GRTP1: variants seen among roughly 807,000 people sequenced by gnomAD.
The protein encoded by GRTP1 is growth hormone regulated TBC protein 1, also known as growth hormone-regulated TBC protein 1.
In GRTP1, 56 loss-of-function variants were observed where a neutral mutation model predicts 38.1. That is an observed-to-expected ratio of 1.47 (90% CI 1.19 to 1.84). The LOEUF is 1.84. Ranked by LOEUF, GRTP1 falls within the 40% of genes most tolerant of loss-of-function variation. GRTP1 has a pLI of 0.00. For synonymous variants in GRTP1, 217 were observed against 189.5 expected, an observed-to-expected ratio of 1.14 and a Z score of -1.19; for missense variants, 506 against 453.9, an observed-to-expected ratio of 1.11 and a Z score of -1.04.
intron 5 of GRTP1, among the ~76,000 whole-genome samples, chr13:113,340,883 C>T (rs958579205): frequency 2.0e-5 from 3 of 152,160 alleles, no homozygotes; most frequent in East Asian, 3.9e-4. Context: ...TGTCCATGCA[C>T]ACACCCATCA....
intron 7 of GRTP1, chr13:113,325,326 G>C (rs1033866085): frequency 1.4e-6 from 2 of 1,395,252 alleles, no homozygotes; most frequent in Non-Finnish European, 1.9e-6. Flanking sequence ...CAGGACCTGA[G>C]TCTATACGGC....
intron 7 of GRTP1, 91 bp from the exon 8 acceptor site, chr13:113,324,668 TGTGAG>T (rs1174253312): frequency 8.6e-6 from 13 of 1,510,520 alleles, no homozygotes; most frequent in Middle Eastern, 3.4e-4. Context: ...ACAGGCCTCG[TGTGAG>T]GTGAGGGAGG....
chr13:113,329,590 T>TA (rs1219133485), intron 5 of GRTP1, among the ~76,000 whole-genome samples: 1 of 151,622 alleles, frequency 6.6e-6, no homozygotes, highest in African/African-American at 2.4e-5. Flanking sequence ...TCTCAAAAAA[T>TA]AAAAAATAAA....
intron 3 of GRTP1, among the ~76,000 whole-genome samples, chr13:113,353,132 C>A (rs2043316480): frequency 6.9e-6 from 1 of 144,376 alleles, no homozygotes; most frequent in Admixed American, 6.8e-5. Flanking sequence ...GGGTAGGAAC[C>A]CACAGCTGAA....
At chr13:113,347,461 T>TCTGTGCCTGACAGTGGACCCGGGAGGAC (rs2043172438) in intron 4 of GRTP1, among the ~76,000 whole-genome samples, 1 of 44,404 alleles carries the variant, frequency 2.3e-5, no homozygotes, top group African/African-American at 1.8e-4. Flanking sequence ...CCCAGGAGGA[T>TCTGTGCCTGACAGTGGACCCGGGAGGAC]CTCTGTGGCC....
At chr13:113,344,148 T>C (rs949347208) in intron 5 of GRTP1, among the ~76,000 whole-genome samples, 1 of 152,210 alleles carries the variant, frequency 6.6e-6, no homozygotes, top group East Asian at 1.9e-4. Flanking sequence ...TTACTAGTAT[T>C]CACAAACTCA....
intron 5 of GRTP1, among the ~76,000 whole-genome samples, chr13:113,336,864 G>A (rs943860087): frequency 6.6e-5 from 10 of 152,184 alleles, no homozygotes; most frequent in Non-Finnish European, 1.2e-4. Context: ...AAAACCCACC[G>A]CACTTCCCAA....
chr13:113,360,445 A>G (rs1453230157), intron 2 of GRTP1, among the ~76,000 whole-genome samples: 1 of 152,184 alleles, frequency 6.6e-6, no homozygotes, highest in Non-Finnish European at 1.5e-5. Flanking sequence ...AACCCTCCAA[A>G]AGGAGAGGAA....
At chr13:113,347,749 C>T (rs1027424700) in intron 4 of GRTP1, among the ~76,000 whole-genome samples, 17 of 136,956 alleles carry the variant, frequency 1.2e-4, no homozygotes, top group Non-Finnish European at 2.4e-4. Flanking sequence ...AGAACAGATC[C>T]GGGAGGACCT....
chr13:113,346,062 GGACCTCTGCGGCTGAGCAGACCTGGGAA>G (rs1334818393), intron 4 of GRTP1, among the ~76,000 whole-genome samples: 4 of 77,366 alleles, frequency 5.2e-5, no homozygotes, highest in African/African-American at 1.7e-4. Flanking sequence ...AGACCCGGGA[GGACCTCTGCGGCTGAGCAGACCTGGGAA>G]GACATCTGTG....
At chr13:113,333,523 G>A (rs1017492391) in intron 5 of GRTP1, among the ~76,000 whole-genome samples, 1 of 151,956 alleles carries the variant, frequency 6.6e-6, no homozygotes, top group Non-Finnish European at 1.5e-5. Flanking sequence ...TTATTTTTTT[G>A]AGATAGGGTC....
At chr13:113,355,657 T>C in intron 2 of GRTP1, 176 bp from the exon 3 acceptor site, 2 of 677,776 alleles carry the variant, frequency 3.0e-6, no homozygotes, top group Non-Finnish European at 4.5e-6. Flanking sequence ...AAAATTCTGC[T>C]CTCCTCTCCC....
chr13:113,361,109 C>CAAAAAAAAAAAAAAAA (rs57785391), intron 2 of GRTP1, among the ~76,000 whole-genome samples: 1 of 92,938 alleles, frequency 1.1e-5, no homozygotes, highest in Non-Finnish European at 2.2e-5. Flanking sequence ...GACTTTGACT[C>CAAAAAAAAAAAAAAAA]AAAAAAAAAA....
In GRTP1 at chr13:113,351,317, C is replaced by T. The variant is rs538954172; in HGVS notation, c.341-344G>A. 7.9e-5 allele frequency among the ~76,000 whole-genome samples: 12 copies of T among 152,342 alleles called. No homozygotes were observed. The East Asian group carries it at 1.7e-3, about 22-fold the overall frequency. On this transcript the variant is annotated intron_variant, in intron 3 of 7. Coordinates refer to ENST00000375431, the MANE Select transcript of GRTP1 (RefSeq NM_024719.4). The stretch of plus-strand genomic sequence containing the variant: ...GGCCTCCTGCACCTCGGACCTCGCG[C>T]GTAGCGGAGGCAACTCTGCCTCGAG...
At chr13:113,326,170 A>T (rs1377519692) in intron 5 of GRTP1, 79 bp from the exon 6 acceptor site, 3 of 1,551,964 alleles carry the variant, frequency 1.9e-6, no homozygotes, top group Non-Finnish European at 2.6e-6. Flanking sequence ...AGCCAGACAA[A>T]GACAACAGGG....
chr13:113,351,643 A>G (rs1183092075), intron 3 of GRTP1: 1 of 152,810 alleles, frequency 6.5e-6, no homozygotes, highest in Non-Finnish European at 1.5e-5. Flanking sequence ...CCCGGATACC[A>G]CGTGGGTCCC....
rs1280011936 is a variant in GRTP1 at position 113,348,759 on chromosome 13, G to A, written c.465+2090C>T. On this transcript the variant is annotated intron_variant, in intron 4 of 7. Coordinates refer to ENST00000375431, the MANE Select transcript of GRTP1 (RefSeq NM_024719.4). This position sits in a 1 kb window ranked among gnomAD's most constrained non-coding sequence, Gnocchi z 4.8. The stretch of plus-strand genomic sequence containing the variant: ...ACTGCCAGGAACCAGCAGAACCAGG[G>A]CAAGGCCTGGGACAGTCCGTCCGTC... Among the ~76,000 whole-genome samples the A allele has an allele frequency of 1.3e-5, 2 of 152,166 alleles. No individual in the cohort carries two copies. The highest frequency in any genetic ancestry group is 2.9e-5 in the Non-Finnish European group (2 of 68,028).
intron 4 of GRTP1, among the ~76,000 whole-genome samples, chr13:113,347,897 CGGG>C (rs2043193564): frequency 6.9e-6 from 1 of 145,400 alleles, no homozygotes; most frequent in East Asian, 2.1e-4. Context: ...AGAGCAGACC[CGGG>C]AGGACCTCTG....
At chr13:113,325,341 G>A (rs529201558) in intron 7 of GRTP1, 14 of 1,405,510 alleles carry the variant, frequency 1.0e-5, no homozygotes, top group African/African-American at 5.8e-5. Flanking sequence ...TACGGCCTGC[G>A]CCAGGTCCAG....
Sources: allele counts gnomAD v4.1 joint callset (sites outside exome capture counted in the v4.1 genomes callset), GRCh38; gene constraint gnomAD v4.1.1; non-coding constraint Gnocchi (gnomAD v3.1); transcripts MANE v1.5; gene names NCBI Gene and HGNC (gene_info 2026-07-23, HGNC 2026-07-21).